Variants in TMEM132D observed in about 807,000 individuals in gnomAD.
The protein encoded by TMEM132D is transmembrane protein 132D.
Under a neutral mutation model 62.3 loss-of-function variants are expected in TMEM132D, and 21 were observed. The observed-to-expected ratio is 0.34, with a 90% CI of 0.24 to 0.49. TMEM132D has a LOEUF of 0.49. Ranked by LOEUF, TMEM132D falls within the 20% of genes least tolerant of loss-of-function variation. The probability of loss-of-function intolerance (pLI) is 0.99; values close to 1 mark genes in which losing one functional copy is unlikely to be tolerated. For missense variants in TMEM132D, 1,346 were observed against 1,402.8 expected (o/e 0.96, Z 0.65); for synonymous variants, 621 against 575.6 (o/e 1.08, Z -1.13).
chr12:129,846,392 T>A (rs558130499), intron 1 of TMEM132D, among the ~76,000 whole-genome samples: 18 of 152,320 alleles, frequency 1.2e-4, no homozygotes, highest in African/African-American at 4.1e-4. Flanking sequence ...TCTTCATTTT[T>A]AAAGAATATA....
chr12:129,251,803 A>C (rs1880274062), intron 4 of TMEM132D, among the ~76,000 whole-genome samples: 1 of 152,162 alleles, frequency 6.6e-6, no homozygotes, highest in Admixed American at 6.5e-5. Context: ...TCAGAGAGCA[A>C]GTGAGTCTAC....
At chr12:129,791,218 C>G (rs1871393100) in intron 1 of TMEM132D, among the ~76,000 whole-genome samples, 1 of 152,146 alleles carries the variant, frequency 6.6e-6, no homozygotes, top group South Asian at 2.1e-4. Context: ...GGTCCTATCT[C>G]ATTAGAATCA....
intron 1 of TMEM132D, among the ~76,000 whole-genome samples, chr12:129,807,626 G>A (rs1024777008): frequency 2.0e-5 from 3 of 152,158 alleles, no homozygotes; most frequent in Non-Finnish European, 2.9e-5. Context: ...GTTAAGAGAC[G>A]ATGCGTTGAT....
intron 3 of TMEM132D, among the ~76,000 whole-genome samples, chr12:129,380,236 C>A (rs767611635): frequency 6.6e-5 from 10 of 152,128 alleles, no homozygotes; most frequent in Non-Finnish European, 1.0e-4. Context: ...TACTAAACTG[C>A]TCATTAGCCT....
At chr12:129,188,471 A>T (rs1236067189) in intron 5 of TMEM132D, among the ~76,000 whole-genome samples, 1 of 152,162 alleles carries the variant, frequency 6.6e-6, no homozygotes, top group Non-Finnish European at 1.5e-5. Context: ...GAGTTTTGTT[A>T]TGTAGCATTA....
At chr12:129,077,923 AACAC>A (rs1338305455) in intron 8 of TMEM132D, among the ~76,000 whole-genome samples, 2 of 152,140 alleles carry the variant, frequency 1.3e-5, no homozygotes, top group Admixed American at 1.3e-4. Flanking sequence ...ATAGACACAC[AACAC>A]ACATATACAT....
intron 5 of TMEM132D, among the ~76,000 whole-genome samples, chr12:129,123,508 A>G (rs1876123090): frequency 6.6e-6 from 1 of 152,114 alleles, no homozygotes; most frequent in Admixed American, 6.5e-5. Flanking sequence ...TGTTCTGTCT[A>G]TGTGGGGTCT....
intron 4 of TMEM132D, among the ~76,000 whole-genome samples, chr12:129,294,459 A>T (rs897473694): frequency 1.4e-5 from 2 of 147,746 alleles, no homozygotes; most frequent in Non-Finnish European, 3.0e-5. Flanking sequence ...CCCATGCTTA[A>T]CACAGGGCCT....
chr12:129,105,928 A>G (rs1346187621), intron 5 of TMEM132D, among the ~76,000 whole-genome samples: 3 of 151,392 alleles, frequency 2.0e-5, no homozygotes, highest in African/African-American at 7.4e-5. Context: ...TATATACCCA[A>G]AGGACTATAA....
At position 129,109,150 on chromosome 12, in the gene TMEM132D, T is replaced by C. The variant is rs908021294; in HGVS notation, c.1444-24448A>G. Reference sequence around the variant, plus strand: ...GCACAATAGCGTTAGAAGACACCAATAGGATGTGTTCAGAGCTTCTGCGGG... The same window carrying C: ...GCACAATAGCGTTAGAAGACACCAACAGGATGTGTTCAGAGCTTCTGCGGG... On this transcript the variant is annotated intron_variant, in intron 5 of 8. Transcript: ENST00000422113. Among the ~76,000 whole-genome samples, 13 of 152,180 alleles carry C rather than the reference T, an allele frequency of 8.5e-5. No individual in the cohort carries two copies. The East Asian group carries it at 9.6e-4, about 11-fold the overall frequency.
intron 3 of TMEM132D, among the ~76,000 whole-genome samples, chr12:129,463,923 C>T (rs374976095): frequency 4.0e-5 from 6 of 149,694 alleles, no homozygotes; most frequent in Admixed American, 2.0e-4. Flanking sequence ...TGAATAGTGC[C>T]GCAATAAACA....
intron 3 of TMEM132D, among the ~76,000 whole-genome samples, chr12:129,407,557 C>G (rs1008228008): frequency 6.6e-6 from 1 of 152,126 alleles, no homozygotes; most frequent in Non-Finnish European, 1.5e-5. Context: ...GAATCTGTTT[C>G]TGGATTTTGA....
chr12:129,190,155 T>G (rs1593290530), intron 5 of TMEM132D, among the ~76,000 whole-genome samples: 1 of 60,472 alleles, frequency 1.7e-5, no homozygotes, highest in Non-Finnish European at 3.4e-5. Flanking sequence ...GTCTCAGGCC[T>G]GCAGATGGAG....
intron 2 of TMEM132D, among the ~76,000 whole-genome samples, chr12:129,674,143 A>T (rs1880571559): frequency 6.6e-6 from 1 of 152,176 alleles, no homozygotes; most frequent in African/African-American, 2.4e-5. Context: ...AATTAAAATG[A>T]ATCTTCCTCA....
At chr12:129,301,530 T>C (rs75929656) in intron 4 of TMEM132D, among the ~76,000 whole-genome samples, 2,779 of 152,272 alleles carry the variant, frequency 0.018, 84 homozygotes, top group Admixed American at 0.076. Flanking sequence ...CAGACATTAC[T>C]CCAATTTTCC....
chr12:129,680,037 C>T (rs892365234), intron 2 of TMEM132D, among the ~76,000 whole-genome samples: 4 of 152,104 alleles, frequency 2.6e-5, no homozygotes, highest in South Asian at 2.1e-4. Context: ...GTATCAACAC[C>T]GTCAATTATA....
rs397938044 is a variant in TMEM132D, at chr12:129,126,358, C to CTT, written c.1444-41658_1444-41657dup. On this transcript the variant is annotated intron_variant, in intron 5 of 8. Transcript: ENST00000422113. Reference sequence around the variant, plus strand: ...CATTCTCTTGCCTCAGTTTCTCTCTCTTTTTTTTTTTTTTTAGCAATAATC... The same window carrying CTT: ...CATTCTCTTGCCTCAGTTTCTCTCTCTTTTTTTTTTTTTTTTTAGCAATAATC... 5.0e-4 allele frequency among the ~76,000 whole-genome samples: 74 copies of CTT among 147,420 alleles called. 1 individual carries two copies. The highest frequency in any genetic ancestry group is 1.8e-3 in the African/African-American group (70 of 39,666).
chr12:129,383,876 C>T (rs574858913), intron 3 of TMEM132D, among the ~76,000 whole-genome samples: 17 of 152,332 alleles, frequency 1.1e-4, no homozygotes, highest in African/African-American at 3.4e-4. Context: ...GCCTGATTCA[C>T]TCAGTCTGGG....
At chr12:129,231,094 G>T (rs1879625054) in intron 4 of TMEM132D, among the ~76,000 whole-genome samples, 2 of 152,170 alleles carry the variant, frequency 1.3e-5, no homozygotes, top group Non-Finnish European at 2.9e-5. Flanking sequence ...TGAATTTACT[G>T]TCTGTTCAAC....
Sources: gnomAD v4.1 joint callset for allele counts (sites outside exome capture counted in the v4.1 genomes callset) on GRCh38, gnomAD v4.1.1 for gene constraint, MANE v1.5 for transcripts, NCBI Gene and HGNC (gene_info 2026-07-23, HGNC 2026-07-21) for gene names.